Variants in GTF3C2 observed in about 807,000 individuals in gnomAD.
GTF3C2 encodes the protein general transcription factor IIIC subunit 2, also known as general transcription factor 3C polypeptide 2.
In GTF3C2, 17 loss-of-function variants were observed where a neutral mutation model predicts 117.4. The observed-to-expected ratio is 0.14, with a 90% CI of 0.10 to 0.22. The LOEUF (loss-of-function observed/expected upper bound fraction) is 0.22, where lower values mean the gene tolerates loss of function less well. Among genes scored for constraint, GTF3C2 ranks in the 10% least tolerant of loss-of-function variants. The probability of loss-of-function intolerance (pLI) is 1.00; values close to 1 mark genes in which losing one functional copy is unlikely to be tolerated. For missense variants in GTF3C2, 888 were observed against 1,143.6 expected, an observed-to-expected ratio of 0.78 and a Z score of 3.22; for synonymous variants, 437 against 427.0, an observed-to-expected ratio of 1.02 and a Z score of -0.29.
chr2:27,356,277 G>T, intron 1 of GTF3C2: 1 of 406,232 alleles, frequency 2.5e-6, no homozygotes, highest in Non-Finnish European at 4.9e-6. Context: ...CCTCCTCGAG[G>T]AAGAGGCTGG....
At chr2:27,349,144 AT>A (rs36040548) in intron 1 of GTF3C2, among the ~76,000 whole-genome samples, 4,048 of 39,210 alleles carry the variant, frequency 0.1, 154 homozygotes, top group African/African-American at 0.23. Flanking sequence ...GCCTGATTTG[AT>A]TTTTTTTTTT....
At position 27,338,450 on chromosome 2, in the gene GTF3C2, G is replaced by A. The variant is rs188743186; in HGVS notation, c.856-430C>T. 8.8e-5 allele frequency among the ~76,000 whole-genome samples: 5 copies of A among 57,026 alleles called. No individual in the cohort carries two copies. In the South Asian group the frequency reaches 1.8e-3, roughly 20 times the overall value. 37.4% of individuals were successfully genotyped at this position (57,026 alleles called of 152,430 possible). On this transcript the variant is annotated intron_variant, in intron 4 of 18. Transcript: ENST00000264720. ...CTCGCCCCTCTACACAGGCGCGCAC[G>A]CGCACGCGCGCACACACACACACAC...
intron 1 of GTF3C2, among the ~76,000 whole-genome samples, chr2:27,351,283 G>A (rs1271914894): frequency 3.3e-5 from 5 of 151,490 alleles, no homozygotes; most frequent in African/African-American, 4.8e-5. Context: ...GTGGTGCCAC[G>A]TGCACTTGTA....
At chr2:27,345,029 A>G (rs945926438) in intron 1 of GTF3C2, among the ~76,000 whole-genome samples, 4 of 152,178 alleles carry the variant, frequency 2.6e-5, no homozygotes, top group African/African-American at 9.6e-5. Context: ...CATGCCTGTA[A>G]TTCCAGCACT....
intron 1 of GTF3C2, among the ~76,000 whole-genome samples, chr2:27,345,838 C>T (rs998222953): frequency 1.6e-4 from 24 of 150,404 alleles, no homozygotes; most frequent in Admixed American, 3.3e-4. Flanking sequence ...CTCGGCCTTC[C>T]GAGTAGCTGG....
exon 18 of GTF3C2, chr2:27,327,244 C>T (rs768196570): frequency 2.5e-6 from 4 of 1,609,638 alleles, no homozygotes; most frequent in Non-Finnish European, 2.6e-6. Flanking sequence ...CTCCTGCATG[C>T]GCAGCATTGG....
intron 6 of GTF3C2, 59 bp from the exon 7 acceptor site, chr2:27,337,401 C>T: frequency 6.8e-7 from 1 of 1,467,090 alleles, no homozygotes; most frequent in Non-Finnish European, 9.6e-7. Context: ...TCTCAGGGTT[C>T]CCATTATAGA....
At chr2:27,328,901 G>A (rs1804410) in exon 15 of GTF3C2, 103 of 1,611,400 alleles carry the variant, frequency 6.4e-5, no homozygotes, top group African/African-American at 1.9e-4. Flanking sequence ...GGTAACCAGC[G>A]TCAATATAAT....
chr2:27,343,080 A>G (rs1396286257), exon 3 of GTF3C2: 2 of 1,612,784 alleles, frequency 1.2e-6, no homozygotes, highest in East Asian at 2.2e-5. Context: ...TTCGTGTCCT[A>G]CCACCTCTCT....
intron 12 of GTF3C2, 138 bp downstream of exon 12, chr2:27,333,517 A>ATT (rs375899425): frequency 3.2e-4 from 164 of 511,202 alleles, no homozygotes; most frequent in East Asian, 8.1e-4. Flanking sequence ...ATTTCTTTCT[A>ATT]TTTTTTTTTT....
chr2:27,347,562 A>G (rs936212513), intron 1 of GTF3C2, among the ~76,000 whole-genome samples: 2 of 152,198 alleles, frequency 1.3e-5, no homozygotes, highest in Admixed American at 6.5e-5. Context: ...AGCCAAAAGG[A>G]CCTATGCATA....
intron 15 of GTF3C2, 83 bp from the exon 16 acceptor site, chr2:27,328,679 G>C (rs997734135): frequency 8.9e-6 from 11 of 1,240,532 alleles, no homozygotes; most frequent in South Asian, 2.6e-5. Flanking sequence ...CTGAGAGACA[G>C]ACACACAAAC....
chr2:27,342,775 T>A, intron 3 of GTF3C2, 51 bp downstream of exon 3: 1 of 1,365,538 alleles, frequency 7.3e-7, no homozygotes. Context: ...TGCCCCACCC[T>A]GATCCCTTCA....
chr2:27,342,788 CA>C, intron 3 of GTF3C2, 37 bp downstream of exon 3: 1 of 1,517,830 alleles, frequency 6.6e-7, no homozygotes, highest in Non-Finnish European at 9.1e-7. Flanking sequence ...TCCCTTCACC[CA>C]ACCCCCCTCC....
intron 4 of GTF3C2, among the ~76,000 whole-genome samples, chr2:27,338,856 C>A (rs1442890303): frequency 6.6e-6 from 1 of 150,494 alleles, no homozygotes; most frequent in Non-Finnish European, 1.5e-5. Flanking sequence ...AATTTAGAGA[C>A]AGGGTCTTGC....
At chr2:27,326,985 A>G in intron 18 of GTF3C2, 92 bp from the exon 19 acceptor site, 1 of 806,018 alleles carries the variant, frequency 1.2e-6, no homozygotes, top group South Asian at 1.7e-5. Flanking sequence ...AAAATGAGCC[A>G]CAATCTGAAA....
In GTF3C2 at chr2:27,343,591, A is replaced by C. The variant is rs1192626086; in HGVS notation, c.-24-13T>G. 1 of 1,608,476 alleles carries C rather than the reference A, an allele frequency of 6.2e-7. No homozygotes were observed. The highest frequency in any genetic ancestry group is 8.5e-7 in the Non-Finnish European group (1 of 1,175,790). On this transcript the variant is annotated splice_polypyrimidine_tract_variant and intron_variant, in intron 1 of 18. Coordinates refer to ENST00000264720, the Ensembl canonical transcript of GTF3C2. ...AAAATGGCTGCCCCTGCATACAGAG[A>C]CACACAAATGAGTAGAGGACAAAAA...
intron 1 of GTF3C2, chr2:27,356,090 A>G (rs1279468524): frequency 7.8e-7 from 1 of 1,288,882 alleles, no homozygotes; most frequent in Non-Finnish European, 1.0e-6. Context: ...TCCATACCCT[A>G]TACATCCCTC....
In GTF3C2 at chr2:27,346,016, C is replaced by CT. The variant is rs70953853; in HGVS notation, c.-24-2439dup. ...AGACTTGAGCCACTGTGCCCCGCCA[C>CT]TTTTTTTTTTTTTTTTTTTTTTGAG... On this transcript the variant is annotated intron_variant, in intron 1 of 18. Coordinates refer to ENST00000264720, the Ensembl canonical transcript of GTF3C2. Among the ~76,000 whole-genome samples, 787 of 97,852 alleles carry CT rather than the reference C, an allele frequency of 8.0e-3. 24 individuals carry two copies. Among genetic ancestry groups the CT allele is most frequent in the East Asian group, 0.069 (268 of 3,898 alleles). 64.2% of individuals were successfully genotyped at this position (97,852 alleles called of 152,430 possible). A position where few individuals can be genotyped will look rare whatever the true frequency, so the allele number is the denominator to read the frequency against.
Sources: allele counts gnomAD v4.1 joint callset (sites outside exome capture counted in the v4.1 genomes callset), GRCh38; gene constraint gnomAD v4.1.1; transcripts MANE v1.5; gene names NCBI Gene and HGNC (gene_info 2026-07-23, HGNC 2026-07-21).